Variants in GATC observed in about 807,000 individuals in gnomAD.
GATC encodes the protein glutamyl-tRNA(Gln) amidotransferase subunit C, mitochondrial.
Under a neutral mutation model 14.4 loss-of-function variants are expected in GATC, and 11 were observed. The observed-to-expected ratio is 0.77, with a 90% CI of 0.48 to 1.27. The LOEUF is 1.27. Ranked by LOEUF, GATC falls within the 50% of genes most tolerant of loss-of-function variation. The pLI is 0.00. For synonymous variants in GATC, 76 were observed against 79.3 expected, an observed-to-expected ratio of 0.96 and a Z score of 0.22; for missense variants, 204 against 183.0, an observed-to-expected ratio of 1.11 and a Z score of -0.66.
chr12:120,460,056 C>A lies in GATC; in HGVS notation c.*97C>A. On this transcript the variant is annotated 3_prime_UTR_variant, in exon 4 of 4. Transcript: ENST00000551765. ...TACTAATGTTCCTGCTTTTTTCAGT[C>A]CCCTGAAAAAATGGATGCTCAAGCA... is the stretch of plus-strand genomic sequence containing the variant. The A allele has an allele frequency of 1.1e-6, 1 of 894,160 alleles. No homozygotes were observed. Among genetic ancestry groups the A allele is most frequent in the South Asian group, 1.5e-5 (1 of 66,476 alleles). 55.4% of individuals were successfully genotyped at this position (894,160 alleles called of 1,614,324 possible).
In GATC at chr12:120,446,463, G is replaced by A. The variant is rs766847472; in HGVS notation, c.-18G>A. 60 of 1,604,588 alleles carry A rather than the reference G, an allele frequency of 3.7e-5. No homozygotes were observed. The highest frequency in any genetic ancestry group is 6.0e-6 in the Non-Finnish European group (7 of 1,173,530). On this transcript the variant is annotated 5_prime_UTR_variant, in exon 1 of 4. Transcript: ENST00000551765. Reference sequence around the variant, plus strand: ...GGCGTTACGCGCGGGCGCACTGCGGGGGCCAAGGAAGGAAGAAATGTGGTC... The same window carrying A: ...GGCGTTACGCGCGGGCGCACTGCGGAGGCCAAGGAAGGAAGAAATGTGGTC...
intron 2 of GATC, among the ~76,000 whole-genome samples, chr12:120,448,331 G>GTTTTT (rs34872230): frequency 1.4e-5 from 2 of 140,848 alleles, no homozygotes; most frequent in Admixed American, 7.2e-5. Context: ...CCTCAAGAAA[G>GTTTTT]TTTTTTTTTT....
chr12:120,447,125 G>C (rs1877897226), intron 2 of GATC, among the ~76,000 whole-genome samples: 1 of 149,144 alleles, frequency 6.7e-6, no homozygotes, highest in Non-Finnish European at 1.5e-5. Flanking sequence ...TGCCTAGGCT[G>C]GAGTGCAGTG....
Position 120,462,404 on chromosome 12 carries a change from A to C in GATC, c.*2445A>C. 1 of 379,386 alleles carries C rather than the reference A, an allele frequency of 2.6e-6. No individual in the cohort carries two copies. The highest frequency in any genetic ancestry group is 4.7e-6 in the Non-Finnish European group (1 of 211,014). The allele number at this position is 379,386 out of a possible 1,614,324, so 23.5% of individuals were successfully genotyped here. A position where few individuals can be genotyped will look rare whatever the true frequency, so the allele number is the denominator to read the frequency against. ...TCATTTGCCCAAGGTAACACAATAA[A>C]TGCCAATTTGACATGTTGATACTCA... On this transcript the variant is annotated 3_prime_UTR_variant, in exon 4 of 4. Coordinates refer to ENST00000551765, the MANE Select transcript of GATC (RefSeq NM_176818.3).
chr12:120,451,876 T>TTTTTTTTTTC (rs1878058274), intron 2 of GATC, among the ~76,000 whole-genome samples: 8 of 105,676 alleles, frequency 7.6e-5, no homozygotes, highest in East Asian at 2.9e-4. Flanking sequence ...ATATAAATTC[T>TTTTTTTTTTC]TTTTTTTTTT....
At position 120,449,784 on chromosome 12, in the gene GATC, C is replaced by T. The variant is rs554964757; in HGVS notation, c.254+2955C>T. Among the ~76,000 whole-genome samples, 12 of 150,126 alleles carry T rather than the reference C, an allele frequency of 8.0e-5. No individual in the cohort carries two copies. The South Asian group carries it at 2.5e-3, about 32-fold the overall frequency. ...TAATGAATTTTTTTTTTTTTAGAGACAGAGTTTTGCTCACGTTGCCCAGGC... is the reference window on the plus strand; with the variant it reads ...TAATGAATTTTTTTTTTTTTAGAGATAGAGTTTTGCTCACGTTGCCCAGGC... On this transcript the variant is annotated intron_variant, in intron 2 of 3. Coordinates refer to ENST00000551765, the MANE Select transcript of GATC (RefSeq NM_176818.3).
At chr12:120,459,861 AAAACAAAC>A (rs558375526) in intron 3 of GATC, 38 bp from the exon 4 acceptor site, 4 of 1,526,606 alleles carry the variant, frequency 2.6e-6, no homozygotes, top group Admixed American at 1.7e-5. Flanking sequence ...TCTCAAAACA[AAAACAAAC>A]AAACAAACAA....
At chr12:120,448,642 C>CT (rs71451885) in intron 2 of GATC, among the ~76,000 whole-genome samples, 41,960 of 87,222 alleles carry the variant, frequency 0.48, 12,018 homozygotes, top group African/African-American at 0.6. Context: ...AAGTCCATTC[C>CT]TTTTTTTTTT....
intron 2 of GATC, among the ~76,000 whole-genome samples, chr12:120,453,672 C>G (rs541130842): frequency 4.0e-5 from 6 of 151,834 alleles, no homozygotes; most frequent in Non-Finnish European, 8.8e-5. Context: ...TCACAGAGAC[C>G]GTGGGTTCAG....
In GATC at chr12:120,461,030, G is replaced by T. The variant is rs1167331397; in HGVS notation, c.*1071G>T. The T allele has an allele frequency of 6.7e-6, 1 of 150,108 alleles. No homozygotes were observed. The highest frequency in any genetic ancestry group is 1.5e-5 in the Non-Finnish European group (1 of 67,790). 9.3% of individuals were successfully genotyped at this position (150,108 alleles called of 1,614,324 possible). ...AAAAAAAAAGTGATAGAATCAGAGA[G>T]TTTTTCCTCTAACCAAACTGCCAAA... On this transcript the variant is annotated 3_prime_UTR_variant, in exon 4 of 4. Coordinates refer to ENST00000551765, the MANE Select transcript of GATC (RefSeq NM_176818.3).
At chr12:120,459,203 G>C (rs149238085) in intron 3 of GATC, among the ~76,000 whole-genome samples, 6 of 152,232 alleles carry the variant, frequency 3.9e-5, no homozygotes, top group African/African-American at 1.4e-4. Flanking sequence ...TAAACCACCT[G>C]TTAACTGTGG....
chr12:120,455,288 C>A (rs888463827), intron 2 of GATC, among the ~76,000 whole-genome samples: 2 of 152,040 alleles, frequency 1.3e-5, no homozygotes, highest in African/African-American at 4.8e-5. Context: ...CCCGCCTCAG[C>A]CTCCCGAGTA....
chr12:120,461,963 A>C lies in GATC; in HGVS notation c.*2004A>C. 1.4e-6 allele frequency: 2 copies of C among 1,470,472 alleles called. No homozygotes were observed. The highest frequency in any genetic ancestry group is 4.7e-5 in the Admixed American group (2 of 42,676). 91.1% of individuals were successfully genotyped at this position (1,470,472 alleles called of 1,614,324 possible). ...TCCTCAATCTGGAATGTAGATTCTG[A>C]GCACAAAGCAGCTCAGTTAACCTAA... On this transcript the variant is annotated 3_prime_UTR_variant, in exon 4 of 4. Coordinates refer to ENST00000551765, the MANE Select transcript of GATC (RefSeq NM_176818.3).
rs1051105740 is a variant in GATC at position 120,454,830 on chromosome 12, T to G, written c.255-2246T>G. 19 of 103,072 alleles carry G rather than the reference T, an allele frequency of 1.8e-4. No individual in the cohort carries two copies. In the African/African-American group the frequency reaches 1.9e-3, roughly 10 times the overall value. 6.4% of individuals were successfully genotyped at this position (103,072 alleles called of 1,614,324 possible). On this transcript the variant is annotated intron_variant, in intron 2 of 3. Transcript: ENST00000551765. ...TTTACTTTTGTTCTCCCAAGTTTTC[T>G]TAAATGAATACAGTCCTTGTGTTAT...
chr12:120,454,890 TTGTG>T (rs757479116), intron 2 of GATC: 159 of 280,738 alleles, frequency 5.7e-4, no homozygotes, highest in African/African-American at 3.0e-3. Flanking sequence ...CAACTCTCTT[TTGTG>T]TGTGTGTGTG....
intron 2 of GATC, among the ~76,000 whole-genome samples, chr12:120,447,081 GT>G (rs11340121): frequency 0.49 from 64,300 of 130,986 alleles, 14,257 homozygotes; most frequent in East Asian, 0.64. Flanking sequence ...TGTTTGTTTT[GT>G]TTTTTTTTTT....
rs193090067 is a variant in GATC, at chr12:120,459,673, G to A, written c.359-234G>A. On this transcript the variant is annotated intron_variant, in intron 3 of 3. Transcript: ENST00000551765. The stretch of plus-strand genomic sequence containing the variant: ...AGATCGAGACCATCCTGGCTAACAC[G>A]GTGAAACCCCGTCTCTATTAAAAAT... Among the ~76,000 whole-genome samples, 5 of 152,226 alleles carry A rather than the reference G, an allele frequency of 3.3e-5. No individual in the cohort carries two copies. In the East Asian group the frequency reaches 9.7e-4, roughly 29 times the overall value.
chr12:120,453,851 C>T (rs1878111517), intron 2 of GATC, among the ~76,000 whole-genome samples: 1 of 150,804 alleles, frequency 6.6e-6, no homozygotes. Context: ...ACAACAACAA[C>T]AACAAAAAAC....
At chr12:120,459,622 CGAG>C (rs1217643532) in intron 3 of GATC, among the ~76,000 whole-genome samples, 1 of 152,032 alleles carries the variant, frequency 6.6e-6, no homozygotes, top group Non-Finnish European at 1.5e-5. Flanking sequence ...TTTGGGAGGC[CGAG>C]GAGGGCGGAT....
Sources: gnomAD v4.1 joint callset for allele counts (sites outside exome capture counted in the v4.1 genomes callset) on GRCh38, gnomAD v4.1.1 for gene constraint, MANE v1.5 for transcripts, NCBI Gene and HGNC (gene_info 2026-07-23, HGNC 2026-07-21) for gene names.